Variants in GFOD1 observed in about 807,000 individuals in gnomAD.
GFOD1 encodes the protein glucose-fructose oxidoreductase domain-containing protein 1.
In GFOD1, 9 loss-of-function variants were observed where a neutral mutation model predicts 25.4. The observed-to-expected ratio is 0.35, with a 90% CI of 0.21 to 0.62. GFOD1 has a LOEUF of 0.62. Among genes scored for constraint, GFOD1 ranks in the 20% least tolerant of loss-of-function variants. The pLI is 0.72. For missense variants in GFOD1, 403 were observed against 556.9 expected, an observed-to-expected ratio of 0.72 and a Z score of 2.78; for synonymous variants, 253 against 245.6, an observed-to-expected ratio of 1.03 and a Z score of -0.28.
intron 1 of GFOD1, among the ~76,000 whole-genome samples, chr6:13,481,226 G>A (rs1758744712): frequency 6.6e-6 from 1 of 152,226 alleles, no homozygotes; most frequent in South Asian, 2.1e-4. Context: ...CTAATTGGGA[G>A]GGGAGGATCC....
At chr6:13,407,564 T>C (rs1785971415) in intron 1 of GFOD1, among the ~76,000 whole-genome samples, 1 of 152,236 alleles carries the variant, frequency 6.6e-6, no homozygotes, top group Non-Finnish European at 1.5e-5. Flanking sequence ...CCCTTTGTTA[T>C]GTCTCTAGGG....
At chr6:13,454,297 T>C (rs1758150139) in intron 1 of GFOD1, among the ~76,000 whole-genome samples, 1 of 152,170 alleles carries the variant, frequency 6.6e-6, no homozygotes, top group Non-Finnish European at 1.5e-5. Context: ...ATTTCTGTTG[T>C]TTAAGCCACC....
At chr6:13,408,449 C>A (rs1481930227) in intron 1 of GFOD1, among the ~76,000 whole-genome samples, 1 of 152,172 alleles carries the variant, frequency 6.6e-6, no homozygotes, top group Non-Finnish European at 1.5e-5. Flanking sequence ...CTGATGGCTG[C>A]TTTTCTAGCA....
intron 1 of GFOD1, among the ~76,000 whole-genome samples, chr6:13,389,615 G>T (rs1176330025): frequency 1.3e-5 from 2 of 152,066 alleles, no homozygotes; most frequent in African/African-American, 2.4e-5. Flanking sequence ...GCCTGTTGGG[G>T]GGTGCGGGGT....
chr6:13,366,243 C>T (rs908018909), intron 1 of GFOD1, among the ~76,000 whole-genome samples: 2 of 152,162 alleles, frequency 1.3e-5, no homozygotes, highest in African/African-American at 2.4e-5. Flanking sequence ...TGCAGTGGTG[C>T]GATCATAGCT....
rs1022255900 is a variant in GFOD1 at position 13,364,495 on chromosome 6, C to T, written c.*248G>A. The T allele has an allele frequency of 1.1e-5, 6 of 548,966 alleles. No homozygotes were observed. Among genetic ancestry groups the T allele is most frequent in the Admixed American group, 9.4e-5 (3 of 32,012 alleles). The allele number at this position is 548,966 out of a possible 1,614,324, so 34.0% of individuals were successfully genotyped here. ...ACCAAACCACTCTCGTGCAAATACC[C>T]AGCAGGGATCATCCCAGGAATGGCA... On this transcript the variant is annotated 3_prime_UTR_variant, in exon 2 of 2. Coordinates refer to ENST00000379287, the MANE Select transcript of GFOD1 (RefSeq NM_018988.4). The surrounding 1 kb of genome is among the most constrained non-coding windows in gnomAD (Gnocchi z 4.1).
At chr6:13,410,816 GGAA>G (rs1415912574) in intron 1 of GFOD1, among the ~76,000 whole-genome samples, 1 of 150,036 alleles carries the variant, frequency 6.7e-6, no homozygotes, top group African/African-American at 2.5e-5. Context: ...AGGAGAAAGA[GGAA>G]GAAGGAGGGT....
chr6:13,478,370 C>G (rs1479341820), intron 1 of GFOD1, among the ~76,000 whole-genome samples: 1 of 152,192 alleles, frequency 6.6e-6, no homozygotes, highest in African/African-American at 2.4e-5. Context: ...GAACTCCTGA[C>G]CTCAGGTGAT....
chr6:13,392,442 A>G (rs1785633684), intron 1 of GFOD1, among the ~76,000 whole-genome samples: 1 of 152,070 alleles, frequency 6.6e-6, no homozygotes, highest in African/African-American at 2.4e-5. Flanking sequence ...AAAAAATAAA[A>G]AGTTGTTCTT....
chr6:13,486,255 C>A (rs1396460560), intron 1 of GFOD1: 3 of 308,180 alleles, frequency 9.7e-6, no homozygotes, highest in Admixed American at 6.7e-5. Flanking sequence ...CATCCCCCCC[C>A]CCCACACACA....
intron 1 of GFOD1, among the ~76,000 whole-genome samples, chr6:13,457,609 C>G (rs1758212768): frequency 6.6e-6 from 1 of 152,230 alleles, no homozygotes; most frequent in African/African-American, 2.4e-5. Flanking sequence ...CAGAGCATGA[C>G]TGATTATTGA....
intron 1 of GFOD1, among the ~76,000 whole-genome samples, chr6:13,420,860 TA>T (rs1478092368): frequency 6.6e-6 from 1 of 152,188 alleles, no homozygotes; most frequent in African/African-American, 2.4e-5. Flanking sequence ...AAGTGTATTT[TA>T]AAAAATTCCA....
At chr6:13,483,115 C>G (rs1398289592) in intron 1 of GFOD1, among the ~76,000 whole-genome samples, 1 of 150,856 alleles carries the variant, frequency 6.6e-6, no homozygotes, top group Non-Finnish European at 1.5e-5. Context: ...ATAGCCAATT[C>G]AAAATAACTA....
chr6:13,367,415 A>G (rs1785068987), intron 1 of GFOD1, among the ~76,000 whole-genome samples: 1 of 152,142 alleles, frequency 6.6e-6, no homozygotes, highest in Non-Finnish European at 1.5e-5. Context: ...TTCTTTTCCT[A>G]CAAAGAGCGG....
At chr6:13,377,425 C>G (rs1785276996) in intron 1 of GFOD1, among the ~76,000 whole-genome samples, 1 of 152,142 alleles carries the variant, frequency 6.6e-6, no homozygotes, top group African/African-American at 2.4e-5. Context: ...GAACTTGGTT[C>G]CTTGTGGCTA....
chr6:13,455,382 G>C (rs1217717463), intron 1 of GFOD1, among the ~76,000 whole-genome samples: 1 of 152,188 alleles, frequency 6.6e-6, no homozygotes, highest in Non-Finnish European at 1.5e-5. Flanking sequence ...AGAAACTGTG[G>C]GGAATGGTCC....
At chr6:13,464,734 T>G (rs1479596453) in intron 1 of GFOD1, among the ~76,000 whole-genome samples, 1 of 152,220 alleles carries the variant, frequency 6.6e-6, no homozygotes, top group African/African-American at 2.4e-5. Context: ...CGATTTCTTC[T>G]GAAGAGGAGG....
rs1318534164 is a variant in GFOD1, at chr6:13,487,048, C to T, written c.-158G>A. Reference sequence around the variant, plus strand: ...GGGCAAGGCGCCCGGGTGCCCAGAGCGCACCGAGCTGCAGGCGGAGCAAGC... The same window carrying T: ...GGGCAAGGCGCCCGGGTGCCCAGAGTGCACCGAGCTGCAGGCGGAGCAAGC... On this transcript the variant is annotated 5_prime_UTR_variant, in exon 1 of 2. Transcript: ENST00000379287. The surrounding 1 kb of genome is among the most constrained non-coding windows in gnomAD (Gnocchi z 4.9). The T allele has an allele frequency of 1.2e-6, 1 of 839,724 alleles. No homozygotes were observed. Among genetic ancestry groups the T allele is most frequent in the East Asian group, 2.7e-5 (1 of 37,192 alleles). The allele number at this position is 839,724 out of a possible 1,614,324, so 52.0% of individuals were successfully genotyped here. A position where few individuals can be genotyped will look rare whatever the true frequency, so the allele number is the denominator to read the frequency against.
intron 1 of GFOD1, among the ~76,000 whole-genome samples, chr6:13,406,524 A>G (rs777513693): frequency 5.3e-5 from 8 of 152,350 alleles, no homozygotes; most frequent in Middle Eastern, 3.4e-3. Flanking sequence ...GGCAGAAAGA[A>G]GAGAGCGAGA....
Sources: allele counts gnomAD v4.1 joint callset (sites outside exome capture counted in the v4.1 genomes callset), GRCh38; gene constraint gnomAD v4.1.1; non-coding constraint Gnocchi (gnomAD v3.1); transcripts MANE v1.5; gene names NCBI Gene and HGNC (gene_info 2026-07-23, HGNC 2026-07-21).